The following PCDHGA7 variants were observed in gnomAD, a reference collection of about 807,000 sequenced individuals.
PCDHGA7 encodes protocadherin gamma-A7.
A neutral mutation model predicts 58.3 loss-of-function variants in PCDHGA7; 44 were observed. The ratio of observed to expected loss-of-function variants is 0.75; its 90% CI spans 0.59 to 0.97. PCDHGA7 has a LOEUF of 0.97. PCDHGA7 is among the 50% of genes least tolerant of loss of function. The pLI is 0.00. For missense variants in PCDHGA7, 1,266 were observed against 1,188.7 expected (o/e 1.06, Z -0.96); for synonymous variants, 516 against 504.2 (o/e 1.02, Z -0.31).
chr5:141,458,168 A>G (rs1287422935), intron 1 of PCDHGA7, among the ~76,000 whole-genome samples: 1 of 152,254 alleles, frequency 6.6e-6, no homozygotes. Context: ...TGTTCACAGT[A>G]GTATACCTTA....
chr5:141,412,839 G>A, intron 1 of PCDHGA7: 1 of 203,324 alleles, frequency 4.9e-6, no homozygotes, highest in Admixed American at 5.8e-5. Context: ...TTAAAGATAG[G>A]AGTGGAGAAA....
chr5:141,408,336 C>A, intron 1 of PCDHGA7: 1 of 1,613,910 alleles, frequency 6.2e-7, no homozygotes, highest in Non-Finnish European at 8.5e-7. Flanking sequence ...GCCAAGGGCT[C>A]GGTGGTGGGG....
rs141034739 is a variant in PCDHGA7 at position 141,491,100 on chromosome 5, C to T, written c.2425-3707C>T. The T allele has an allele frequency of 2.7e-4, 430 of 1,614,138 alleles. No homozygotes were observed. The African/African-American group carries it at 4.7e-3, about 18-fold the overall frequency. ...AGTCCACAGCCCCAGGACTGTTCCT[C>T]GTGTCTACACACACTGGTGAGGTGC... On this transcript the variant is annotated intron_variant, in intron 1 of 3. Transcript: ENST00000518325. The surrounding 1 kb of genome is among the most constrained non-coding windows in gnomAD (Gnocchi z 6.9).
At chr5:141,441,790 A>G in intron 1 of PCDHGA7, 1 of 391,228 alleles carries the variant, frequency 2.6e-6, no homozygotes, top group South Asian at 2.0e-5. Context: ...CTGAATGACA[A>G]CGCACCGCGG....
At position 141,490,341 on chromosome 5, in the gene PCDHGA7, A is replaced by C. The variant is rs778299384; in HGVS notation, c.2425-4466A>C. ...TCCTAGAGAGCACACCAGTGGGCACAGTAGTGGGGTTGTTTAATGTGCGAG... is the reference window on the plus strand; with the variant it reads ...TCCTAGAGAGCACACCAGTGGGCACCGTAGTGGGGTTGTTTAATGTGCGAG... On this transcript the variant is annotated intron_variant, in intron 1 of 3. Coordinates refer to ENST00000518325, the MANE Select transcript of PCDHGA7 (RefSeq NM_018920.4). This position sits in a 1 kb window ranked among gnomAD's most constrained non-coding sequence, Gnocchi z 5.4. The C allele has an allele frequency of 5.0e-6, 8 of 1,614,204 alleles. No homozygotes were observed. The South Asian group carries it at 8.8e-5, about 18-fold the overall frequency.
In PCDHGA7 at chr5:141,383,482, G is replaced by T. The variant is rs908975143; in HGVS notation, c.583G>T (p.Val195Leu). The T allele has an allele frequency of 6.2e-7, 1 of 1,613,500 alleles. No homozygotes were observed. The highest frequency in any genetic ancestry group is 8.5e-7 in the Non-Finnish European group (1 of 1,179,632). ...GDDETKYPELVLERVLDREEE... is the reference protein window; with the variant it reads ...GDDETKYPELLLERVLDREEE... ...CGATGAAACTAAGTACCCGGAACTG[G>T]TGCTGGAGCGGGTGCTGGACCGGGA... Residue 195 changes from valine to leucine, a missense_variant, in exon 1 of 4, where the codon GTG (valine) becomes TTG (leucine). Val to Leu is a conservative substitution (Grantham distance 32, BLOSUM62 1). Coordinates refer to ENST00000518325, the MANE Select transcript of PCDHGA7 (RefSeq NM_018920.4).
rs1780641689 is a variant in PCDHGA7, at chr5:141,384,903, C to T, written c.2004C>T (p.Ile668=). Residue 668 remains isoleucine (I), a synonymous_variant, in exon 1 of 4, where the codon ATC becomes ATT. Coordinates refer to ENST00000518325, the MANE Select transcript of PCDHGA7 (RefSeq NM_018920.4). ...TCACCGTGGCTGTGGCTGACAGCAT[C>T]CCCGAAGTCTTGGCCGACCTGGGCA... ...VTLTVAVADS[I]PEVLADLGSL... is the part of the protein sequence containing the mutation. The T allele has an allele frequency of 6.2e-7, 1 of 1,613,992 alleles. No individual in the cohort carries two copies.
chr5:141,407,703 G>A (rs1016806853), intron 1 of PCDHGA7, among the ~76,000 whole-genome samples: 26 of 152,096 alleles, frequency 1.7e-4, no homozygotes, highest in African/African-American at 6.3e-4. Flanking sequence ...ATTGTTGAAG[G>A]TGGGGTGATG....
At chr5:141,395,224 C>G (rs1442627118) in intron 1 of PCDHGA7, 1 of 1,610,586 alleles carries the variant, frequency 6.2e-7, no homozygotes, top group Admixed American at 1.7e-5. Context: ...AAGAATGAAG[C>G]TGATCATGGT....
intron 1 of PCDHGA7, chr5:141,440,652 C>T (rs755275974): frequency 6.6e-6 from 1 of 152,160 alleles, no homozygotes; most frequent in Non-Finnish European, 1.5e-5. Flanking sequence ...AAAATTATCA[C>T]CTTAGCAGCA....
At chr5:141,510,272 T>TAAAA (rs546154379) in intron 3 of PCDHGA7, among the ~76,000 whole-genome samples, 4 of 130,388 alleles carry the variant, frequency 3.1e-5, no homozygotes, top group Non-Finnish European at 4.9e-5. Context: ...GACTCCATCT[T>TAAAA]AAAAAAAAAA....
chr5:141,461,655 ATTTTAAAG>A (rs2099019832), intron 1 of PCDHGA7, among the ~76,000 whole-genome samples: 1 of 152,022 alleles, frequency 6.6e-6, no homozygotes, highest in African/African-American at 2.4e-5. Flanking sequence ...CCCATGGATT[ATTTTAAAG>A]TTTGTTATTT....
At chr5:141,482,089 C>CA (rs36035257) in intron 1 of PCDHGA7, among the ~76,000 whole-genome samples, 13,509 of 134,292 alleles carry the variant, frequency 0.1, 910 homozygotes, top group African/African-American at 0.2. Context: ...CACTCCATCT[C>CA]AAAAAAAAAA....
In PCDHGA7 at chr5:141,491,081, C is replaced by T; in HGVS notation, c.2425-3726C>T. The T allele has an allele frequency of 6.2e-7, 1 of 1,614,176 alleles. No individual in the cohort carries two copies. The highest frequency in any genetic ancestry group is 8.5e-7 in the Non-Finnish European group (1 of 1,180,010). On this transcript the variant is annotated intron_variant, in intron 1 of 3. Coordinates refer to ENST00000518325, the MANE Select transcript of PCDHGA7 (RefSeq NM_018920.4). The surrounding 1 kb of genome is among the most constrained non-coding windows in gnomAD (Gnocchi z 6.9). Reference sequence around the variant, plus strand: ...TCCTACTCACTGTTGCCACAGTCCACAGCCCCAGGACTGTTCCTCGTGTCT... The same window carrying T: ...TCCTACTCACTGTTGCCACAGTCCATAGCCCCAGGACTGTTCCTCGTGTCT...
intron 1 of PCDHGA7, chr5:141,388,401 A>C: frequency 6.2e-7 from 1 of 1,614,026 alleles, no homozygotes; most frequent in East Asian, 2.2e-5. Context: ...TTACCAACTC[A>C]GTCCCAGTGA....
At chr5:141,442,682 T>C (rs1591733469) in intron 1 of PCDHGA7, among the ~76,000 whole-genome samples, 1 of 152,218 alleles carries the variant, frequency 6.6e-6, no homozygotes, top group East Asian at 1.9e-4. Context: ...TGAGGGACAG[T>C]AGTCAGGCAG....
In PCDHGA7 at chr5:141,485,870, C is replaced by A. The variant is rs745737454; in HGVS notation, c.2425-8937C>A. On this transcript the variant is annotated intron_variant, in intron 1 of 3. Coordinates refer to ENST00000518325, the MANE Select transcript of PCDHGA7 (RefSeq NM_018920.4). The surrounding 1 kb of genome is among the most constrained non-coding windows in gnomAD (Gnocchi z 5.7). ...CACCGCAGAGCTCCGGGTATCCGTGCTGGACGTAAACGACAACGCCCCAGC... is the reference window on the plus strand; with the variant it reads ...CACCGCAGAGCTCCGGGTATCCGTGATGGACGTAAACGACAACGCCCCAGC... 1 of 1,614,174 alleles carries A rather than the reference C, an allele frequency of 6.2e-7. No homozygotes were observed. Among genetic ancestry groups the A allele is most frequent in the Non-Finnish European group, 8.5e-7 (1 of 1,180,032 alleles).
At chr5:141,427,814 G>T in intron 1 of PCDHGA7, 2 of 1,526,562 alleles carry the variant, frequency 1.3e-6, no homozygotes, top group South Asian at 2.2e-5. Context: ...CACAGAGCGG[G>T]GTGGTGGTCG....
chr5:141,405,439 A>G (rs1285285172), intron 1 of PCDHGA7: 1 of 1,423,798 alleles, frequency 7.0e-7, no homozygotes, highest in Admixed American at 2.0e-5. Context: ...TTTGTTTTTG[A>G]GACAGAGTCT....
Sources: allele counts gnomAD v4.1 joint callset (sites outside exome capture counted in the v4.1 genomes callset), GRCh38; gene constraint gnomAD v4.1.1; non-coding constraint Gnocchi (gnomAD v3.1); transcripts MANE v1.5; gene names NCBI Gene and HGNC (gene_info 2026-07-23, HGNC 2026-07-21).